The following VIPR2 variants were observed in gnomAD, a reference collection of about 807,000 sequenced individuals.
VIPR2 encodes the protein vasoactive intestinal peptide receptor 2.
In VIPR2, 48 loss-of-function variants were observed where a neutral mutation model predicts 58.0. The ratio of observed to expected loss-of-function variants is 0.83; its 90% confidence interval spans 0.66 to 1.05. VIPR2 has a LOEUF of 1.05. Ranked by LOEUF, VIPR2 falls within the 50% of genes least tolerant of loss-of-function variation. The pLI is 0.00. For missense variants in VIPR2, 534 were observed against 558.0 expected, an observed-to-expected ratio of 0.96 and a Z score of 0.43; for synonymous variants, 243 against 235.2, an observed-to-expected ratio of 1.03 and a Z score of -0.30.
rs1858027423 is a variant in VIPR2, at chr7:159,098,849, A to G, written c.357+4908T>C. Among the ~76,000 whole-genome samples the G allele has an allele frequency of 6.6e-6, 1 of 152,198 alleles. No individual in the cohort carries two copies. Among genetic ancestry groups the G allele is most frequent in the Non-Finnish European group, 1.5e-5 (1 of 68,032 alleles). The stretch of plus-strand genomic sequence containing the variant: ...CCCTGTGCAAGCAGGAAACACAACT[A>G]AAAATGTGAATCTGGGAAGCAAGTG... On this transcript the variant is annotated intron_variant, in intron 4 of 12. Transcript: ENST00000262178. This position sits in a 1 kb window ranked among gnomAD's most constrained non-coding sequence, Gnocchi z 5.2.
intron 2 of VIPR2, among the ~76,000 whole-genome samples, chr7:159,132,633 A>G (rs1198284521): frequency 5.3e-5 from 8 of 152,366 alleles, no homozygotes; most frequent in Non-Finnish European, 1.2e-4. Flanking sequence ...CAGGGGGATG[A>G]CTCCGAGTCA....
At chr7:159,062,898 C>T (rs1339448358) in intron 4 of VIPR2, among the ~76,000 whole-genome samples, 2 of 152,306 alleles carry the variant, frequency 1.3e-5, no homozygotes, top group Middle Eastern at 3.4e-3. Flanking sequence ...GGTGCGTTTA[C>T]AATCCCTGAG....
At chr7:159,117,580 CTT>C (rs1247082902) in intron 2 of VIPR2, among the ~76,000 whole-genome samples, 1 of 152,248 alleles carries the variant, frequency 6.6e-6, no homozygotes, top group African/African-American at 2.4e-5. Flanking sequence ...CTCATGCTCT[CTT>C]TGGACAATGG....
At position 159,098,330 on chromosome 7, in the gene VIPR2, G is replaced by A. The variant is rs114861332; in HGVS notation, c.357+5427C>T. Reference sequence around the variant, plus strand: ...TGGCTTACAGTGCGGGTGGGCAAGCGGAGAGGAGCAGCTGTGGAGGGCAAG... The same window carrying A: ...TGGCTTACAGTGCGGGTGGGCAAGCAGAGAGGAGCAGCTGTGGAGGGCAAG... On this transcript the variant is annotated intron_variant, in intron 4 of 12. Transcript: ENST00000262178. The surrounding 1 kb of genome is among the most constrained non-coding windows in gnomAD (Gnocchi z 5.2). 7.1e-4 allele frequency among the ~76,000 whole-genome samples: 108 copies of A among 152,290 alleles called. No individual in the cohort carries two copies. The highest frequency in any genetic ancestry group is 2.5e-3 in the African/African-American group (104 of 41,582).
chr7:159,115,310 G>T (rs556779659), intron 2 of VIPR2, among the ~76,000 whole-genome samples: 4 of 152,354 alleles, frequency 2.6e-5, no homozygotes, highest in Admixed American at 1.3e-4. Flanking sequence ...AAAAGAGAGA[G>T]AAAAGAGCAA....
chr7:159,120,287 A>C (rs1563345190), intron 2 of VIPR2, among the ~76,000 whole-genome samples: 2 of 152,312 alleles, frequency 1.3e-5, no homozygotes, highest in East Asian at 3.9e-4. Flanking sequence ...CAGGGAGAAG[A>C]GCAGGCAAGG....
intron 4 of VIPR2, among the ~76,000 whole-genome samples, chr7:159,084,336 C>T (rs897796142): frequency 1.1e-4 from 16 of 152,178 alleles, no homozygotes; most frequent in African/African-American, 2.9e-4. Context: ...AGGGAAATAG[C>T]GAGTGATGGG....
In VIPR2 at chr7:159,034,223, A is replaced by T; in HGVS notation, c.961T>A (p.Ser321Thr). Residue 321 changes from serine to threonine, a missense_variant, in exon 10 of 13, where the codon TCT becomes ACT. Around this residue, in one of 3 missense-constraint regions of VIPR2, gnomAD observed 306 missense variants for 285.8 expected, o/e 1.07. Transcript: ENST00000262178. ...TSPDVGGNDQ[S>T]QYKRLAKSTL... is the part of the protein sequence containing the mutation. The stretch of plus-strand genomic sequence containing the variant: ...GGGACACACACTCACTTGTACTGAG[A>T]CTGGTCGTTGCCGCCGACATCTGGG... 6.2e-7 allele frequency: 1 copy of T among 1,613,986 alleles called. No individual in the cohort carries two copies. The highest frequency in any genetic ancestry group is 2.2e-5 in the East Asian group (1 of 44,880).
At chr7:159,083,627 C>T (rs905769502) in intron 4 of VIPR2, among the ~76,000 whole-genome samples, 1 of 152,260 alleles carries the variant, frequency 6.6e-6, no homozygotes. Flanking sequence ...TGCTTCTCAC[C>T]TGCTGTCCCG....
intron 4 of VIPR2, among the ~76,000 whole-genome samples, chr7:159,085,112 T>C (rs895920077): frequency 6.6e-6 from 1 of 152,194 alleles, no homozygotes; most frequent in Non-Finnish European, 1.5e-5. Flanking sequence ...GTGGCAAATA[T>C]CCTGGTGTGA....
At chr7:159,063,437 G>A (rs866915419) in intron 4 of VIPR2, among the ~76,000 whole-genome samples, 41 of 152,122 alleles carry the variant, frequency 2.7e-4, no homozygotes, top group African/African-American at 7.9e-4. Flanking sequence ...CTCCAAGTGC[G>A]GGGCCTACCG....
At chr7:159,059,111 G>T (rs1855488193) in intron 4 of VIPR2, 1 of 400,736 alleles carries the variant, frequency 2.5e-6, no homozygotes, top group South Asian at 1.9e-5. Context: ...GTTTAGCAAG[G>T]TCCATGGCTT....
At chr7:159,129,839 T>TG (rs1796820426) in intron 2 of VIPR2, among the ~76,000 whole-genome samples, 13 of 99,838 alleles carry the variant, frequency 1.3e-4, no homozygotes, top group Admixed American at 1.7e-4. Flanking sequence ...AACTGGCCTC[T>TG]GAGGGGGACA....
rs1296406132 is a variant in VIPR2, at chr7:159,056,744, T to C, written c.455+1737A>G. Among the ~76,000 whole-genome samples, 3 of 152,132 alleles carry C rather than the reference T, an allele frequency of 2.0e-5. No homozygotes were observed. In the East Asian group the frequency reaches 5.8e-4, roughly 29 times the overall value. ...CCCGCAAAGCATTCTGCTTCCTGGG[T>C]ATAATTACTGAGACAATGGAGCACG... On this transcript the variant is annotated intron_variant, in intron 5 of 12. Transcript: ENST00000262178.
chr7:159,063,291 G>GGCTGCCCTGCCCTGCC (rs1388079079), intron 4 of VIPR2, among the ~76,000 whole-genome samples: 3 of 152,284 alleles, frequency 2.0e-5, no homozygotes, highest in African/African-American at 7.2e-5. Context: ...CTGCGGGGAG[G>GGCTGCCCTGCCCTGCC]CAGCTGAGGC....
At chr7:159,126,404 G>C (rs889327528) in intron 2 of VIPR2, among the ~76,000 whole-genome samples, 7 of 152,234 alleles carry the variant, frequency 4.6e-5, no homozygotes, top group African/African-American at 1.7e-4. Context: ...AGCTGGGTAT[G>C]ATATGCCAAA....
chr7:159,034,155 T>C (rs1585324578), intron 10 of VIPR2, 58 bp downstream of exon 10: 2 of 1,554,064 alleles, frequency 1.3e-6, no homozygotes, highest in African/African-American at 2.7e-5. Context: ...AGCGTGGGGG[T>C]CTCCTGTCTC....
At chr7:159,043,382 T>C (rs552132294) in intron 5 of VIPR2, among the ~76,000 whole-genome samples, 3 of 149,866 alleles carry the variant, frequency 2.0e-5, no homozygotes, top group Non-Finnish European at 4.5e-5. Flanking sequence ...AAGAATTTTT[T>C]TGAGATAATA....
chr7:159,126,059 G>C (rs934038621), intron 2 of VIPR2, among the ~76,000 whole-genome samples: 5 of 152,184 alleles, frequency 3.3e-5, no homozygotes, highest in Admixed American at 1.3e-4. Context: ...TCCAGGTCCA[G>C]ATTTCACAAC....
Sources: allele counts gnomAD v4.1 joint callset (sites outside exome capture counted in the v4.1 genomes callset), GRCh38; gene constraint gnomAD v4.1.1; regional missense constraint gnomAD v4.1.1; non-coding constraint Gnocchi (gnomAD v3.1); transcripts MANE v1.5; gene names NCBI Gene and HGNC (gene_info 2026-07-23, HGNC 2026-07-21).